The following DNASE1 variants were observed in gnomAD, a reference collection of about 807,000 sequenced individuals.
DNASE1 encodes deoxyribonuclease-1.
Under a neutral mutation model 33.9 loss-of-function variants are expected in DNASE1, and 40 were observed. The ratio of observed to expected loss-of-function variants is 1.18; its 90% CI spans 0.92 to 1.54. The LOEUF (loss-of-function observed/expected upper bound fraction) is 1.54. Ranked by LOEUF, DNASE1 falls within the 40% of genes most tolerant of loss-of-function variation. The pLI, the probability that DNASE1 is intolerant of heterozygous loss-of-function variation, is 0.00. For missense variants in DNASE1, 518 were observed against 372.6 expected (o/e 1.39, Z -3.21); for synonymous variants, 216 against 160.0 (o/e 1.35, Z -2.64).
rs189958255 is a variant in DNASE1 at position 3,649,014 on chromosome 16, T to C, written c.-85-5947T>C. On this transcript the variant is annotated intron_variant, in intron 1 of 9. Transcript: ENST00000407479. ...CAGTCTGGGTCGTACCGTGTCCCCA[T>C]GGTGCTGTTGAACGTGAGCCTCTGT... Among the ~76,000 whole-genome samples, 297 of 152,336 alleles carry C rather than the reference T, an allele frequency of 1.9e-3. 1 individual carries two copies. The highest frequency in any genetic ancestry group is 6.0e-3 in the African/African-American group (249 of 41,584).
intron 1 of DNASE1, among the ~76,000 whole-genome samples, chr16:3,635,546 T>G (rs1489871256): frequency 6.6e-6 from 1 of 152,020 alleles, no homozygotes; most frequent in Non-Finnish European, 1.5e-5. Flanking sequence ...TATAGGTCTT[T>G]ATTTCTGACC....
At chr16:3,646,420 A>G (rs1415847336) in intron 1 of DNASE1, among the ~76,000 whole-genome samples, 1 of 152,028 alleles carries the variant, frequency 6.6e-6, no homozygotes, top group Non-Finnish European at 1.5e-5. Flanking sequence ...ACGAGGGTAA[A>G]CAGGTGCCTG....
At chr16:3,616,534 T>C (rs2041109423) in intron 1 of DNASE1, among the ~76,000 whole-genome samples, 2 of 126,772 alleles carry the variant, frequency 1.6e-5, no homozygotes, top group South Asian at 4.7e-4. Flanking sequence ...GGCGGGAGAA[T>C]CCCTTGAACC....
chr16:3,635,354 A>T (rs990253422), intron 1 of DNASE1, among the ~76,000 whole-genome samples: 1 of 148,666 alleles, frequency 6.7e-6, no homozygotes, highest in Admixed American at 6.8e-5. Context: ...GCTACTCAGG[A>T]GGCTGAGGCA....
chr16:3,622,135 G>T (rs1321492734), intron 1 of DNASE1, among the ~76,000 whole-genome samples: 1 of 149,738 alleles, frequency 6.7e-6, no homozygotes, highest in Middle Eastern at 3.2e-3. Context: ...CAGGAGAATC[G>T]CTTGAACCCG....
At chr16:3,664,837 G>A (rs905824834) in exon 10 of DNASE1, 13 of 206,444 alleles carry the variant, frequency 6.3e-5, no homozygotes, top group Middle Eastern at 1.7e-3. Context: ...TGAAGTCCAC[G>A]GTTCCCGGCC....
chr16:3,634,996 C>T (rs2041824663), intron 1 of DNASE1, among the ~76,000 whole-genome samples: 1 of 151,924 alleles, frequency 6.6e-6, no homozygotes, highest in South Asian at 2.1e-4. Context: ...GGGGAGGTCA[C>T]CATTTTGATG....
intron 1 of DNASE1, among the ~76,000 whole-genome samples, chr16:3,646,453 A>T (rs1266988659): frequency 6.6e-6 from 1 of 151,962 alleles, no homozygotes; most frequent in African/African-American, 2.4e-5. Flanking sequence ...AGAGCAAATG[A>T]GTCATATGGG....
chr16:3,664,233 G>C (rs779147132), exon 10 of DNASE1: 178 of 1,499,958 alleles, frequency 1.2e-4, no homozygotes, highest in Non-Finnish European at 1.5e-4. Context: ...CCCTCCCCAG[G>C]TTGCAGCCCC....
rs1226033616 is a variant in DNASE1, at chr16:3,656,697, G to A, written c.380G>A (p.Gly127Glu). The A allele has an allele frequency of 6.2e-7, 1 of 1,613,278 alleles. No individual in the cohort carries two copies. The highest frequency in any genetic ancestry group is 1.3e-5 in the African/African-American group (1 of 74,908). ...YYYDDGCEPC[G>E]NDTFNREPAI... is the part of the protein sequence containing the mutation. ...TACGATGATGGCTGCGAGCCCTGCG[G>A]GAACGACACCTTCAACCGAGAGCCA... Residue 127 changes from glycine to glutamate, a missense_variant, in exon 5 of 9, where the codon GGG becomes GAG. Transcript: ENST00000246949.
intron 1 of DNASE1, among the ~76,000 whole-genome samples, chr16:3,636,264 A>G (rs1156234794): frequency 1.5e-5 from 2 of 132,434 alleles, no homozygotes; most frequent in African/African-American, 6.3e-5. Flanking sequence ...TTTTGTTTCT[A>G]GCATTTCCTT....
chr16:3,618,183 C>T (rs965034651), intron 1 of DNASE1, among the ~76,000 whole-genome samples: 2 of 148,314 alleles, frequency 1.3e-5, no homozygotes, highest in Non-Finnish European at 1.5e-5. Context: ...CATCATGAAT[C>T]GTTAGAGAAG....
At chr16:3,663,367 G>A in exon 10 of DNASE1, 1 of 1,606,632 alleles carries the variant, frequency 6.2e-7, no homozygotes, top group Non-Finnish European at 8.5e-7. Context: ...TGCGGGGCAG[G>A]AGAGGCGTGC....
rs554816377 is a variant in DNASE1, at chr16:3,655,155, C to T, written c.-2+111C>T. On this transcript the variant is annotated intron_variant, in intron 1 of 8. Transcript: ENST00000246949. ...GAGGCGGAGGCTCCAGCGTCCCTCCCGGGCGGGTTTTCTGGTGGATGGAGG... is the reference window on the plus strand; with the variant it reads ...GAGGCGGAGGCTCCAGCGTCCCTCCTGGGCGGGTTTTCTGGTGGATGGAGG... The T allele has an allele frequency of 1.5e-3, 948 of 630,608 alleles. 9 individuals are homozygous for T. The highest frequency in any genetic ancestry group is 6.2e-3 in the South Asian group (315 of 50,900). The allele number at this position is 630,608 out of a possible 1,614,324, so 39.1% of individuals were successfully genotyped here. A position where few individuals can be genotyped will look rare whatever the true frequency, so the allele number is the denominator to read the frequency against.
rs150190627 is a variant in DNASE1 at position 3,633,094 on chromosome 16, T to C, written c.-1358-7621T>C. On this transcript the variant is annotated intron_variant and NMD_transcript_variant, in intron 1 of 11. Transcript: ENST00000570769. ...ATATTCTGACATTCTCTATTACTTA[T>C]TTGATGTATTTAGAACATTGACATT... Among the ~76,000 whole-genome samples the C allele has an allele frequency of 8.5e-3, 1,289 of 152,314 alleles. 4 individuals are homozygous for C. The highest frequency in any genetic ancestry group is 0.021 in the African/African-American group (862 of 41,568).
intron 1 of DNASE1, among the ~76,000 whole-genome samples, chr16:3,617,326 C>CAAAAAAAAAAAAAAAAAAAA (rs56670885): frequency 6.8e-4 from 39 of 57,716 alleles, no homozygotes; most frequent in African/African-American, 2.2e-3. Context: ...AACTCCATCT[C>CAAAAAAAAAAAAAAAAAAAA]AAAAAAAAAA....
intron 1 of DNASE1, among the ~76,000 whole-genome samples, chr16:3,623,868 C>T (rs974453358): frequency 2.6e-5 from 4 of 152,210 alleles, no homozygotes; most frequent in African/African-American, 9.7e-5. Context: ...TATCATCTTA[C>T]ACTGGTCAGA....
chr16:3,663,371 G>C, exon 10 of DNASE1: 1 of 1,609,386 alleles, frequency 6.2e-7, no homozygotes, highest in Non-Finnish European at 8.5e-7. Flanking sequence ...GGGCAGGAGA[G>C]GCGTGCGGGG....
At chr16:3,625,105 A>G (rs1159492821) in intron 1 of DNASE1, among the ~76,000 whole-genome samples, 1 of 152,094 alleles carries the variant, frequency 6.6e-6, no homozygotes, top group African/African-American at 2.4e-5. Flanking sequence ...TTGGGAGTTC[A>G]AGACCAGCCT....
Sources: allele counts gnomAD v4.1 joint callset (sites outside exome capture counted in the v4.1 genomes callset), GRCh38; gene constraint gnomAD v4.1.1; transcripts MANE v1.5; gene names NCBI Gene and HGNC (gene_info 2026-07-23, HGNC 2026-07-21).